The following CACNA2D3 variants were observed in gnomAD, a reference collection of about 807,000 sequenced individuals.
CACNA2D3 encodes calcium voltage-gated channel auxiliary subunit alpha2delta 3.
In CACNA2D3, 60 loss-of-function variants were observed where a neutral mutation model predicts 160.6. The ratio of observed to expected loss-of-function variants is 0.37; its 90% CI spans 0.30 to 0.46. The LOEUF (loss-of-function observed/expected upper bound fraction) is 0.46, where lower values mean the gene tolerates loss of function less well. Among genes scored for constraint, CACNA2D3 ranks in the 20% least tolerant of loss-of-function variants. CACNA2D3 has a pLI of 1.00. For missense variants in CACNA2D3, 1,205 were observed against 1,365.0 expected, an observed-to-expected ratio of 0.88 and a Z score of 1.85; for synonymous variants, 558 against 492.9, an observed-to-expected ratio of 1.13 and a Z score of -1.75.
intron 4 of CACNA2D3, among the ~76,000 whole-genome samples, chr3:54,412,970 C>T (rs1447349916): frequency 2.0e-5 from 3 of 151,584 alleles, no homozygotes; most frequent in Non-Finnish European, 4.4e-5. Flanking sequence ...ACATATTTAC[C>T]ATTTCTGACA....
intron 5 of CACNA2D3, among the ~76,000 whole-genome samples, chr3:54,511,444 C>T (rs1701457534): frequency 6.6e-6 from 1 of 152,108 alleles, no homozygotes; most frequent in South Asian, 2.1e-4. Flanking sequence ...CCTCTTATTA[C>T]AGGCCATCAC....
intron 9 of CACNA2D3, among the ~76,000 whole-genome samples, chr3:54,589,102 A>G (rs987381847): frequency 1.3e-5 from 2 of 152,072 alleles, no homozygotes; most frequent in African/African-American, 2.4e-5. Context: ...GAAGGAATCA[A>G]TCTACCCAAT....
At chr3:54,562,381 T>G (rs879582646) in intron 5 of CACNA2D3, among the ~76,000 whole-genome samples, 2 of 152,198 alleles carry the variant, frequency 1.3e-5, no homozygotes, top group Non-Finnish European at 2.9e-5. Flanking sequence ...TGTTGGTGGC[T>G]GAGGTGATTA....
At chr3:54,655,321 T>C (rs1699858036) in intron 11 of CACNA2D3, among the ~76,000 whole-genome samples, 1 of 152,216 alleles carries the variant, frequency 6.6e-6, no homozygotes, top group Admixed American at 6.5e-5. Context: ...TATCTGGCAG[T>C]ATTATTAAGA....
chr3:54,401,843 A>T (rs1699471708), intron 4 of CACNA2D3, among the ~76,000 whole-genome samples: 1 of 152,218 alleles, frequency 6.6e-6, no homozygotes, highest in Non-Finnish European at 1.5e-5. Context: ...TCAAGTCCAG[A>T]ATACTTCATT....
intron 4 of CACNA2D3, among the ~76,000 whole-genome samples, chr3:54,459,499 G>A (rs1291556601): frequency 6.6e-6 from 1 of 151,696 alleles, no homozygotes; most frequent in Non-Finnish European, 1.5e-5. Context: ...TTGTGGTTTT[G>A]ATTTGCATTT....
chr3:54,548,922 A>G (rs1017035553), intron 5 of CACNA2D3, among the ~76,000 whole-genome samples: 20 of 152,192 alleles, frequency 1.3e-4, no homozygotes, highest in Admixed American at 1.3e-3. Flanking sequence ...TCATCCCAAT[A>G]CAGGTTTTCA....
chr3:54,546,736 G>A (rs771186420), intron 5 of CACNA2D3, among the ~76,000 whole-genome samples: 1 of 151,142 alleles, frequency 6.6e-6, no homozygotes, highest in African/African-American at 2.4e-5. Flanking sequence ...ACACACAGAC[G>A]GTCAACCAGT....
intron 27 of CACNA2D3, among the ~76,000 whole-genome samples, chr3:54,946,207 G>T (rs1459900037): frequency 6.6e-6 from 1 of 152,126 alleles, no homozygotes; most frequent in Non-Finnish European, 1.5e-5. Flanking sequence ...GCCTGTTAAT[G>T]CTTACCTCCA....
intron 2 of CACNA2D3, among the ~76,000 whole-genome samples, chr3:54,151,254 A>T (rs1700146082): frequency 6.7e-6 from 1 of 148,152 alleles, no homozygotes; most frequent in Admixed American, 6.7e-5. Context: ...TGGATAGGTG[A>T]ATGGACCGGT....
At chr3:54,325,998 C>T (rs775098437) in intron 3 of CACNA2D3, among the ~76,000 whole-genome samples, 3 of 152,018 alleles carry the variant, frequency 2.0e-5, no homozygotes, top group Non-Finnish European at 2.9e-5. Context: ...ATTAAGTTTT[C>T]CCCCCTTCCT....
chr3:54,319,955 T>G lies in CACNA2D3; in HGVS notation c.205-487T>G, dbSNP rs79266382. ...GCTTCTGTGTTCAATCTCTTGTGAT[T>G]GGTTGCTGAAGAAAATCTGGCTTCA... On this transcript the variant is annotated intron_variant, in intron 2 of 37. Coordinates refer to ENST00000474759, the MANE Select transcript of CACNA2D3 (RefSeq NM_018398.3). Among the ~76,000 whole-genome samples the G allele has an allele frequency of 9.2e-3, 1,402 of 152,310 alleles. 27 individuals are homozygous for G. Among genetic ancestry groups the G allele is most frequent in the African/African-American group, 0.032 (1,316 of 41,564 alleles).
intron 5 of CACNA2D3, among the ~76,000 whole-genome samples, chr3:54,533,282 T>C (rs1701833206): frequency 6.6e-6 from 1 of 151,998 alleles, no homozygotes; most frequent in South Asian, 2.1e-4. Context: ...TGCTGGTTCC[T>C]AGCTAGGTTG....
intron 2 of CACNA2D3, among the ~76,000 whole-genome samples, chr3:54,307,679 A>C (rs538368918): frequency 6.6e-6 from 1 of 152,188 alleles, no homozygotes; most frequent in African/African-American, 2.4e-5. Context: ...CCTAACTCTC[A>C]TTCTGGCTTT....
At chr3:54,828,940 C>T (rs999645274) in intron 14 of CACNA2D3, among the ~76,000 whole-genome samples, 2 of 152,172 alleles carry the variant, frequency 1.3e-5, no homozygotes, top group Non-Finnish European at 2.9e-5. Flanking sequence ...AAGTGAAAAG[C>T]AAGAGGACAT....
chr3:54,254,529 T>C (rs550947161), intron 2 of CACNA2D3, among the ~76,000 whole-genome samples: 1 of 152,342 alleles, frequency 6.6e-6, no homozygotes, highest in South Asian at 2.1e-4. Flanking sequence ...TGGGTGAAGA[T>C]AAGGACTTGG....
At chr3:54,752,837 G>GTTTTTGT (rs1701889132) in intron 12 of CACNA2D3, among the ~76,000 whole-genome samples, 160 bp downstream of exon 12, 1 of 144,216 alleles carries the variant, frequency 6.9e-6, no homozygotes, top group Non-Finnish European at 1.5e-5. Context: ...TCCAAATTAT[G>GTTTTTGT]TTTTTTTTTT....
chr3:54,861,130 A>G (rs77666170), intron 17 of CACNA2D3, among the ~76,000 whole-genome samples: 2,096 of 152,248 alleles, frequency 0.014, 50 homozygotes, highest in African/African-American at 0.048. Context: ...GAAACAGGCA[A>G]GTAAGCTAAT....
chr3:54,235,143 C>T (rs952614280), intron 2 of CACNA2D3, among the ~76,000 whole-genome samples: 6 of 152,134 alleles, frequency 3.9e-5, no homozygotes, highest in Admixed American at 3.3e-4. Flanking sequence ...CTGGGGCATT[C>T]ATAGTGTCCT....
Sources: allele counts gnomAD v4.1 joint callset (sites outside exome capture counted in the v4.1 genomes callset), GRCh38; gene constraint gnomAD v4.1.1; transcripts MANE v1.5; gene names NCBI Gene and HGNC (gene_info 2026-07-23, HGNC 2026-07-21).